GALNT17: variants seen among roughly 807,000 people sequenced by gnomAD.
The protein encoded by GALNT17 is polypeptide N-acetylgalactosaminyltransferase 17, also known as UDP-GalNAc:polypeptide N-acetylgalactosaminyltransferase-like 3.
Under a neutral mutation model 63.7 loss-of-function variants are expected in GALNT17, and 29 were observed. The ratio of observed to expected loss-of-function variants is 0.46; its 90% CI spans 0.34 to 0.62. The LOEUF is 0.62. GALNT17 is among the 20% of genes least tolerant of loss of function. The pLI is 0.01. For synonymous variants in GALNT17, 305 were observed against 318.3 expected (o/e 0.96, Z 0.45); for missense variants, 603 against 799.6 (o/e 0.75, Z 2.97).
intron 9 of GALNT17, among the ~76,000 whole-genome samples, chr7:71,699,080 G>A (rs190206097): frequency 6.8e-6 from 1 of 146,508 alleles, no homozygotes; most frequent in Admixed American, 7.1e-5. Context: ...GCTGAGGCAG[G>A]AGAATTGCTT....
At chr7:71,276,225 G>A (rs1333588943) in intron 1 of GALNT17, among the ~76,000 whole-genome samples, 3 of 152,158 alleles carry the variant, frequency 2.0e-5, no homozygotes, top group Non-Finnish European at 2.9e-5. Context: ...TAGCAGGGCA[G>A]GTGGCTGCAG....
chr7:71,231,088 C>T (rs1446782491), intron 1 of GALNT17, among the ~76,000 whole-genome samples: 1 of 152,138 alleles, frequency 6.6e-6, no homozygotes, highest in Non-Finnish European at 1.5e-5. Context: ...GTAAGAAATT[C>T]ATTCACATTT....
In GALNT17 at chr7:71,580,391, TA is replaced by T. The variant is rs1337759563; in HGVS notation, c.1080+8990del. Among the ~76,000 whole-genome samples, 16 of 75,246 alleles carry T rather than the reference TA, an allele frequency of 2.1e-4. 1 individual carries two copies. The East Asian group carries it at 0.011, about 54-fold the overall frequency. 49.4% of individuals were successfully genotyped at this position (75,246 alleles called of 152,430 possible). A position where few individuals can be genotyped will look rare whatever the true frequency, so the allele number is the denominator to read the frequency against. On this transcript the variant is annotated intron_variant, in intron 6 of 10. Transcript: ENST00000333538. The stretch of plus-strand genomic sequence containing the variant: ...TATAAATAGATGATAGATAAATTGA[TA>T]GATGGATGATAGATAGATAGATAGA...
At chr7:71,533,044 T>C (rs1397461329) in intron 5 of GALNT17, among the ~76,000 whole-genome samples, 1 of 152,070 alleles carries the variant, frequency 6.6e-6, no homozygotes, top group Admixed American at 6.6e-5. Context: ...GACGAAGAAA[T>C]TTAGAAATAT....
intron 8 of GALNT17, among the ~76,000 whole-genome samples, chr7:71,672,997 T>TGCAGAG (rs1791092952): frequency 1.7e-5 from 1 of 60,124 alleles, no homozygotes; most frequent in African/African-American, 3.0e-5. Context: ...TACACAGAGG[T>TGCAGAG]GTTTTTTTTT....
intron 1 of GALNT17, among the ~76,000 whole-genome samples, chr7:71,226,792 T>C (rs1167188043): frequency 6.6e-6 from 1 of 151,980 alleles, no homozygotes; most frequent in Non-Finnish European, 1.5e-5. Flanking sequence ...CCGTCTTTAC[T>C]TCAAAGCAGT....
chr7:71,508,684 C>G (rs567189052), intron 5 of GALNT17, among the ~76,000 whole-genome samples: 391 of 152,180 alleles, frequency 2.6e-3, no homozygotes, highest in African/African-American at 8.8e-3. Flanking sequence ...AAGTCCCCAG[C>G]CTTCATGCCC....
At chr7:71,373,728 A>G (rs372257321) in intron 2 of GALNT17, among the ~76,000 whole-genome samples, 2 of 152,124 alleles carry the variant, frequency 1.3e-5, no homozygotes, top group African/African-American at 4.8e-5. Context: ...ATGATCTGAG[A>G]TGGAACAGTT....
At chr7:71,318,432 G>A (rs10228413) in intron 1 of GALNT17, among the ~76,000 whole-genome samples, 21 of 74,114 alleles carry the variant, frequency 2.8e-4, no homozygotes, top group African/African-American at 1.2e-3. Context: ...GTGTGTGTGT[G>A]GGGGGTGGGA....
At chr7:71,677,447 G>A in intron 9 of GALNT17, 141 bp downstream of exon 9, 1 of 756,014 alleles carries the variant, frequency 1.3e-6, no homozygotes, top group Non-Finnish European at 2.1e-6. Context: ...GAAGAAGGTA[G>A]GAGTCTTTCT....
intron 6 of GALNT17, among the ~76,000 whole-genome samples, chr7:71,587,770 C>CTAAACAAAG (rs1205470073): frequency 6.6e-5 from 10 of 152,050 alleles, no homozygotes; most frequent in African/African-American, 2.4e-4. Context: ...TTCAGCTCAT[C>CTAAACAAAG]TAAACAAAGT....
chr7:71,366,935 T>C (rs761563283), intron 2 of GALNT17, among the ~76,000 whole-genome samples: 1 of 152,190 alleles, frequency 6.6e-6, no homozygotes, highest in African/African-American at 2.4e-5. Context: ...CTTCATGTAT[T>C]TATTGAATAT....
intron 5 of GALNT17, among the ~76,000 whole-genome samples, chr7:71,457,604 C>T (rs1787377559): frequency 6.6e-6 from 1 of 152,150 alleles, no homozygotes; most frequent in South Asian, 2.1e-4. Context: ...CATGCCTCCC[C>T]TTTTTACACC....
At chr7:71,485,707 T>G (rs1787897705) in intron 5 of GALNT17, among the ~76,000 whole-genome samples, 1 of 152,208 alleles carries the variant, frequency 6.6e-6, no homozygotes, top group African/African-American at 2.4e-5. Context: ...AAGACATGGT[T>G]TATGGCCTTG....
At chr7:71,556,788 A>G (rs994796796) in intron 5 of GALNT17, among the ~76,000 whole-genome samples, 1 of 150,932 alleles carries the variant, frequency 6.6e-6, no homozygotes, top group Non-Finnish European at 1.5e-5. Context: ...CTGGTCTTGA[A>G]CTCCTGATCT....
chr7:71,437,133 T>C (rs899905506), intron 5 of GALNT17, among the ~76,000 whole-genome samples: 3 of 152,324 alleles, frequency 2.0e-5, no homozygotes, highest in Admixed American at 6.5e-5. Flanking sequence ...AGAGCAATCA[T>C]GCAACCACGG....
intron 5 of GALNT17, among the ~76,000 whole-genome samples, chr7:71,518,767 G>A (rs569188692): frequency 6.4e-4 from 98 of 152,280 alleles, no homozygotes; most frequent in African/African-American, 2.3e-3. Flanking sequence ...TAAAACCTTT[G>A]CCTGGAAGGG....
rs188872600 is a variant in GALNT17, at chr7:71,338,824, T to C, written c.422+3091T>C. 1.1e-3 allele frequency among the ~76,000 whole-genome samples: 169 copies of C among 152,340 alleles called. 2 individuals carry two copies. In the South Asian group the frequency reaches 0.017, roughly 16 times the overall value. The stretch of plus-strand genomic sequence containing the variant: ...CAAATCAGTTAAGTGTCTTGGTTAC[T>C]GAGAAAAATAGATTCAAAATAAAGA... On this transcript the variant is annotated intron_variant, in intron 2 of 10. Coordinates refer to ENST00000333538, the MANE Select transcript of GALNT17 (RefSeq NM_022479.3).
intron 5 of GALNT17, among the ~76,000 whole-genome samples, chr7:71,494,264 T>C (rs908054701): frequency 1.3e-5 from 2 of 152,150 alleles, no homozygotes; most frequent in Admixed American, 1.3e-4. Context: ...AATCACCCCA[T>C]GATCCAATCA....
Sources: gnomAD v4.1 joint callset for allele counts (sites outside exome capture counted in the v4.1 genomes callset) on GRCh38, gnomAD v4.1.1 for gene constraint, MANE v1.5 for transcripts, NCBI Gene and HGNC (gene_info 2026-07-23, HGNC 2026-07-21) for gene names.